The following HOMER1 variants were observed in gnomAD, a reference collection of about 807,000 sequenced individuals.
HOMER1 encodes homer scaffold protein 1.
HOMER1 carries 3 observed loss-of-function variants against 48.9 expected under a neutral mutation model. The observed-to-expected ratio is 0.06, with a 90% CI of 0.03 to 0.16. HOMER1 has a LOEUF of 0.16. Ranked by LOEUF, HOMER1 falls within the 10% of genes least tolerant of loss-of-function variation. The pLI is 1.00. For synonymous variants in HOMER1, 134 were observed against 146.4 expected, an observed-to-expected ratio of 0.92 and a Z score of 0.61; for missense variants, 247 against 411.4, an observed-to-expected ratio of 0.60 and a Z score of 3.46.
intron 6 of HOMER1, among the ~76,000 whole-genome samples, chr5:79,400,771 G>T (rs199924052): frequency 7.1e-6 from 1 of 141,072 alleles, no homozygotes; most frequent in East Asian, 2.1e-4. Context: ...TAGAGACAGA[G>T]TCTTGCTCTG....
intron 5 of HOMER1, among the ~76,000 whole-genome samples, chr5:79,421,789 G>A (rs1750107755): frequency 6.6e-6 from 1 of 151,788 alleles, no homozygotes; most frequent in Non-Finnish European, 1.5e-5. Flanking sequence ...GTATTTTTTA[G>A]TAGACACGGT....
At chr5:79,419,115 TA>T (rs989174228) in intron 5 of HOMER1, among the ~76,000 whole-genome samples, 6 of 152,198 alleles carry the variant, frequency 3.9e-5, no homozygotes, top group South Asian at 2.1e-4. Context: ...AGGATGTCTA[TA>T]TTTTTTTTTA....
chr5:79,379,401 T>C (rs1240520495), intron 8 of HOMER1, among the ~76,000 whole-genome samples: 8 of 116,080 alleles, frequency 6.9e-5, no homozygotes, highest in Admixed American at 3.5e-4. Context: ...TATATAAATA[T>C]TTATATATTT....
chr5:79,462,602 A>G (rs1001305239), intron 1 of HOMER1, among the ~76,000 whole-genome samples: 8 of 152,242 alleles, frequency 5.3e-5, no homozygotes, highest in Admixed American at 1.3e-4. Flanking sequence ...GCTCTCAGGC[A>G]TCTGCGTAAT....
intron 5 of HOMER1, among the ~76,000 whole-genome samples, chr5:79,433,348 G>A (rs1236853964): frequency 6.6e-6 from 1 of 152,142 alleles, no homozygotes; most frequent in Non-Finnish European, 1.5e-5. Context: ...ATAATTTGAG[G>A]TCAGGAGTTC....
chr5:79,394,337 T>C (rs1001544728), intron 8 of HOMER1, among the ~76,000 whole-genome samples: 1 of 152,234 alleles, frequency 6.6e-6, no homozygotes, highest in Non-Finnish European at 1.5e-5. Flanking sequence ...GAGATGTTTC[T>C]GTGGGAGGGA....
intron 8 of HOMER1, among the ~76,000 whole-genome samples, chr5:79,387,535 A>G (rs925562250): frequency 6.6e-6 from 1 of 152,204 alleles, no homozygotes; most frequent in Non-Finnish European, 1.5e-5. Context: ...ATTGCCCTAT[A>G]AGACTGTTAC....
At chr5:79,392,727 T>TCA (rs1194970225) in intron 8 of HOMER1, among the ~76,000 whole-genome samples, 14 of 152,166 alleles carry the variant, frequency 9.2e-5, no homozygotes, top group Non-Finnish European at 1.3e-4. Flanking sequence ...CACTCACCAC[T>TCA]CACTCACTGA....
chr5:79,416,602 G>T (rs1158253481), intron 5 of HOMER1, among the ~76,000 whole-genome samples: 1 of 152,210 alleles, frequency 6.6e-6, no homozygotes, highest in Non-Finnish European at 1.5e-5. Context: ...CTCCATTGGA[G>T]ATGGCTCCAC....
At chr5:79,504,685 T>C (rs946162446) in intron 1 of HOMER1, among the ~76,000 whole-genome samples, 2 of 151,956 alleles carry the variant, frequency 1.3e-5, no homozygotes, top group Non-Finnish European at 2.9e-5. Flanking sequence ...ACAACTCTTA[T>C]AAATACTTAA....
chr5:79,466,452 C>T (rs1010834106), intron 1 of HOMER1, among the ~76,000 whole-genome samples: 9 of 151,900 alleles, frequency 5.9e-5, no homozygotes, highest in Non-Finnish European at 1.2e-4. Context: ...GAGCTGAGAT[C>T]GTGCCACTGC....
chr5:79,429,109 A>C (rs1047962711), intron 5 of HOMER1, among the ~76,000 whole-genome samples: 1 of 152,224 alleles, frequency 6.6e-6, no homozygotes, highest in Non-Finnish European at 1.5e-5. Context: ...TCACACCTGT[A>C]ATTTGGGAAG....
chr5:79,402,478 T>C (rs1327727407), intron 5 of HOMER1, among the ~76,000 whole-genome samples: 1 of 152,116 alleles, frequency 6.6e-6, no homozygotes, highest in East Asian at 1.9e-4. Context: ...CCTAAGAATG[T>C]TTTCAAAGAC....
chr5:79,415,228 A>T (rs1420559543), intron 5 of HOMER1, among the ~76,000 whole-genome samples: 1 of 142,916 alleles, frequency 7.0e-6, no homozygotes, highest in Non-Finnish European at 1.5e-5. Flanking sequence ...TATTTTTTGT[A>T]TTTTTTTTTT....
intron 6 of HOMER1, among the ~76,000 whole-genome samples, chr5:79,401,082 T>G (rs920694704): frequency 5.3e-5 from 8 of 151,952 alleles, no homozygotes; most frequent in African/African-American, 1.9e-4. Context: ...TGGTTTTCTT[T>G]TTCTGCACCA....
intron 1 of HOMER1, among the ~76,000 whole-genome samples, chr5:79,458,337 T>C (rs531111183): frequency 3.9e-5 from 6 of 152,122 alleles, no homozygotes; most frequent in South Asian, 2.1e-4. Context: ...ACTGCACATC[T>C]TTCTTTTCTA....
chr5:79,494,778 A>C (rs1367164191), intron 1 of HOMER1, among the ~76,000 whole-genome samples: 1 of 152,234 alleles, frequency 6.6e-6, no homozygotes, highest in Non-Finnish European at 1.5e-5. Flanking sequence ...CTGAGGCGGA[A>C]GAATCGATTG....
chr5:79,454,938 T>C (rs368518560), intron 2 of HOMER1, among the ~76,000 whole-genome samples: 1 of 152,158 alleles, frequency 6.6e-6, no homozygotes, highest in African/African-American at 2.4e-5. Flanking sequence ...TTTTTATTCA[T>C]TCCTTTTTAC....
At chr5:79,401,008 G>A (rs1195855648) in intron 6 of HOMER1, among the ~76,000 whole-genome samples, 3 of 147,154 alleles carry the variant, frequency 2.0e-5, no homozygotes, top group Admixed American at 6.8e-5. Flanking sequence ...CTCTTGGCCT[G>A]AGAGCATTAA....
Sources: allele counts gnomAD v4.1 joint callset (sites outside exome capture counted in the v4.1 genomes callset), GRCh38; gene constraint gnomAD v4.1.1; transcripts MANE v1.5; gene names NCBI Gene and HGNC (gene_info 2026-07-23, HGNC 2026-07-21).